Variants in C1QTNF3 observed in about 807,000 individuals in gnomAD.
The protein encoded by C1QTNF3 is C1q and TNF related 3, also known as complement C1q tumor necrosis factor-related protein 3.
A neutral mutation model predicts 32.6 loss-of-function variants in C1QTNF3; 26 were observed. That is an observed-to-expected ratio of 0.80 (90% CI 0.58 to 1.11). The LOEUF (loss-of-function observed/expected upper bound fraction) is 1.11. Among genes scored for constraint, C1QTNF3 ranks in the 50% least tolerant of loss-of-function variants. The probability of loss-of-function intolerance (pLI) is 0.00; values close to 1 mark genes in which losing one functional copy is unlikely to be tolerated. For missense variants in C1QTNF3, 362 were observed against 398.2 expected, an observed-to-expected ratio of 0.91 and a Z score of 0.77; for synonymous variants, 155 against 146.0, an observed-to-expected ratio of 1.06 and a Z score of -0.44.
At chr5:34,055,385 G>A in the C1QTNF3 span, among the ~76,000 whole-genome samples, 73 of 152,314 alleles carry the variant, frequency 4.8e-4, no homozygotes, top group Non-Finnish European at 1.3e-4. Flanking sequence ...CAAAAGGAGG[G>A]ATTCTCACCG....
the C1QTNF3 span, among the ~76,000 whole-genome samples, chr5:34,082,384 G>T: frequency 1.3e-5 from 2 of 151,516 alleles, no homozygotes. Flanking sequence ...ATTAGGCACA[G>T]TGGAAGCTCT....
At chr5:34,091,426 C>T in the C1QTNF3 span, among the ~76,000 whole-genome samples, 1 of 151,826 alleles carries the variant, frequency 6.6e-6, no homozygotes, top group Non-Finnish European at 1.5e-5. Context: ...ACTACTAGTT[C>T]TTCTTCTTCC....
chr5:34,192,691 A>C, the C1QTNF3 span: 1 of 713,202 alleles, frequency 1.4e-6, no homozygotes, highest in East Asian at 2.7e-5. Context: ...GGTCACCTCG[A>C]TGATTCCTGC....
At chr5:34,033,205 T>C in intron 3 of C1QTNF3, 99 bp downstream of exon 3, 1 of 1,298,378 alleles carries the variant, frequency 7.7e-7, no homozygotes, top group Non-Finnish European at 1.1e-6. Flanking sequence ...TACTCAGGAT[T>C]GGGGAAGACT....
At chr5:34,072,375 A>G in the C1QTNF3 span, among the ~76,000 whole-genome samples, 1 of 125,084 alleles carries the variant, frequency 8.0e-6, no homozygotes, top group African/African-American at 3.3e-5. Context: ...AAGAAAGAGA[A>G]AGAAAGAAAG....
chr5:34,070,332 G>T, the C1QTNF3 span, among the ~76,000 whole-genome samples: 1 of 152,116 alleles, frequency 6.6e-6, no homozygotes, highest in South Asian at 2.1e-4. Flanking sequence ...CATAATTTGA[G>T]CCATAAATAA....
At chr5:34,132,658 T>C in the C1QTNF3 span, among the ~76,000 whole-genome samples, 12 of 152,144 alleles carry the variant, frequency 7.9e-5, no homozygotes, top group Admixed American at 7.9e-4. Flanking sequence ...ATCAGGACTA[T>C]TACTATTACT....
At chr5:34,157,416 A>T in the C1QTNF3 span, among the ~76,000 whole-genome samples, 1 of 152,218 alleles carries the variant, frequency 6.6e-6, no homozygotes, top group Non-Finnish European at 1.5e-5. Flanking sequence ...CTATTACTGA[A>T]ATCACACATT....
At chr5:34,045,949 TA>T (rs1579615327), upstream of C1QTNF3, among the ~76,000 whole-genome samples, 1 of 152,146 alleles carries the variant, frequency 6.6e-6, no homozygotes, top group East Asian at 1.9e-4. Context: ...TAGGGATTGT[TA>T]AAGTAAATGA....
At chr5:34,231,659 G>A in the C1QTNF3 span, among the ~76,000 whole-genome samples, 1 of 152,212 alleles carries the variant, frequency 6.6e-6, no homozygotes, top group East Asian at 1.9e-4. Context: ...TTCCACATGA[G>A]GCTGGGCCTG....
At chr5:34,123,757 T>C in the C1QTNF3 span, among the ~76,000 whole-genome samples, 1 of 152,180 alleles carries the variant, frequency 6.6e-6, no homozygotes, top group Admixed American at 6.5e-5. Context: ...ATTTTTTTCA[T>C]ACTAAACACT....
the C1QTNF3 span, among the ~76,000 whole-genome samples, chr5:34,084,208 T>G: frequency 6.6e-6 from 1 of 151,852 alleles, no homozygotes; most frequent in Non-Finnish European, 1.5e-5. Flanking sequence ...ATGGTGACGT[T>G]CAGACAAAAT....
the C1QTNF3 span, among the ~76,000 whole-genome samples, chr5:34,216,882 G>C: frequency 7.9e-5 from 12 of 152,154 alleles, no homozygotes. Flanking sequence ...ATTGTGTGCT[G>C]TGTTGGTAAT....
the C1QTNF3 span, among the ~76,000 whole-genome samples, chr5:34,068,076 G>T: frequency 6.6e-6 from 1 of 151,900 alleles, no homozygotes; most frequent in African/African-American, 2.4e-5. Flanking sequence ...TTAACAAGAC[G>T]ATTTAGTTTA....
chr5:34,070,060 T>C, the C1QTNF3 span, among the ~76,000 whole-genome samples: 85 of 152,322 alleles, frequency 5.6e-4, no homozygotes, highest in African/African-American at 1.9e-3. Flanking sequence ...AAGAGACTGG[T>C]GGCTACTATC....
chr5:34,066,333 C>T, the C1QTNF3 span, among the ~76,000 whole-genome samples: 3 of 152,172 alleles, frequency 2.0e-5, no homozygotes, highest in East Asian at 3.9e-4. Context: ...CCTCCCTTAC[C>T]CTGCTCATGC....
At chr5:34,065,773 A>G in the C1QTNF3 span, among the ~76,000 whole-genome samples, 1 of 152,228 alleles carries the variant, frequency 6.6e-6, no homozygotes, top group Admixed American at 6.5e-5. Context: ...TGTGGAAAGC[A>G]GTCTGGAGAT....
the C1QTNF3 span, among the ~76,000 whole-genome samples, chr5:34,158,988 G>A: frequency 5.3e-5 from 8 of 151,762 alleles, no homozygotes; most frequent in South Asian, 2.1e-4. Flanking sequence ...ATAAACATAC[G>A]TATGTAACAC....
chr5:34,022,483 C>T (rs956375763), intron 5 of C1QTNF3, among the ~76,000 whole-genome samples: 2 of 152,220 alleles, frequency 1.3e-5, no homozygotes, highest in Non-Finnish European at 2.9e-5. Flanking sequence ...TACTCATTGA[C>T]TGACTCAGGG....
Sources: gnomAD v4.1 joint callset for allele counts (sites outside exome capture counted in the v4.1 genomes callset) on GRCh38, gnomAD v4.1.1 for gene constraint, MANE v1.5 for transcripts, NCBI Gene and HGNC (gene_info 2026-07-23, HGNC 2026-07-21) for gene names.